The following CAPZB variants were observed in gnomAD, a reference collection of about 807,000 sequenced individuals.
CAPZB encodes the protein F-actin-capping protein subunit beta.
A neutral mutation model predicts 38.1 loss-of-function variants in CAPZB; 2 were observed. The observed-to-expected ratio is 0.05, with a 90% CI of 0.02 to 0.17. The LOEUF (loss-of-function observed/expected upper bound fraction) is 0.17. Ranked by LOEUF, CAPZB falls within the 10% of genes least tolerant of loss-of-function variation. The probability of loss-of-function intolerance (pLI) is 1.00; values close to 1 mark genes in which losing one functional copy is unlikely to be tolerated. For synonymous variants in CAPZB, 107 were observed against 127.4 expected, an observed-to-expected ratio of 0.84 and a Z score of 1.08; for missense variants, 161 against 334.2, an observed-to-expected ratio of 0.48 and a Z score of 4.04.
At chr1:19,432,839 T>A (rs1000361494) in intron 1 of CAPZB, among the ~76,000 whole-genome samples, 1 of 152,234 alleles carries the variant, frequency 6.6e-6, no homozygotes, top group African/African-American at 2.4e-5. Context: ...TAACGACTTG[T>A]AGGGAACAAC....
chr1:19,357,035 T>C lies in CAPZB; in HGVS notation c.472-284A>G, dbSNP rs540274049. Among the ~76,000 whole-genome samples, 33 of 152,134 alleles carry C rather than the reference T, an allele frequency of 2.2e-4. No homozygotes were observed. Among genetic ancestry groups the C allele is most frequent in the Non-Finnish European group, 4.0e-4 (27 of 68,006 alleles). ...CGCCACCACGCCTGGCTAATGTTTT[T>C]TGTGTTTTTGGTAGAGATGCGGTTT... is the stretch of plus-strand genomic sequence containing the variant. On this transcript the variant is annotated intron_variant, in intron 5 of 8. Transcript: ENST00000264202. The surrounding 1 kb of genome is among the most constrained non-coding windows in gnomAD (Gnocchi z 4.3).
chr1:19,420,084 G>T, intron 1 of CAPZB: 1 of 265,678 alleles, frequency 3.8e-6, no homozygotes, highest in Non-Finnish European at 7.2e-6. Flanking sequence ...CCCCCCAGTT[G>T]GTTCCATGGT....
At chr1:19,482,923 C>T (rs1215840826) in intron 1 of CAPZB, among the ~76,000 whole-genome samples, 1 of 152,190 alleles carries the variant, frequency 6.6e-6, no homozygotes, top group African/African-American at 2.4e-5. Flanking sequence ...AATTACAAGG[C>T]TAAGGGATAC....
chr1:19,350,388 A>G (rs2093985296), intron 6 of CAPZB, among the ~76,000 whole-genome samples: 1 of 152,246 alleles, frequency 6.6e-6, no homozygotes, highest in Non-Finnish European at 1.5e-5. Flanking sequence ...CCGATTGTCA[A>G]AGCACAGCTC....
chr1:19,446,739 A>C (rs2100671307), intron 1 of CAPZB, among the ~76,000 whole-genome samples: 1 of 152,362 alleles, frequency 6.6e-6, no homozygotes, highest in African/African-American at 2.4e-5. Flanking sequence ...TTAATTAGCG[A>C]AACTGAATAT....
chr1:19,370,308 A>G (rs2094113062), intron 4 of CAPZB, among the ~76,000 whole-genome samples: 1 of 152,204 alleles, frequency 6.6e-6, no homozygotes, highest in Non-Finnish European at 1.5e-5. Flanking sequence ...ATAATTCGCT[A>G]CAAGGACTCA....
At chr1:19,478,688 C>T (rs1039159269) in intron 1 of CAPZB, among the ~76,000 whole-genome samples, 11 of 150,632 alleles carry the variant, frequency 7.3e-5, no homozygotes, top group African/African-American at 2.7e-4. Flanking sequence ...TGCTTCCACC[C>T]GCTTCCTCCA....
At chr1:19,415,339 C>A (rs904153105) in intron 2 of CAPZB, among the ~76,000 whole-genome samples, 2 of 152,190 alleles carry the variant, frequency 1.3e-5, no homozygotes, top group Non-Finnish European at 2.9e-5. Context: ...CCAGATTACA[C>A]GAGACAAAGG....
At chr1:19,399,585 C>G (rs2094291996) in intron 2 of CAPZB, among the ~76,000 whole-genome samples, 1 of 152,130 alleles carries the variant, frequency 6.6e-6, no homozygotes, top group Non-Finnish European at 1.5e-5. Flanking sequence ...GGGCATGGGC[C>G]ACAGCTCCCT....
intron 1 of CAPZB, among the ~76,000 whole-genome samples, chr1:19,441,377 A>G (rs981261006): frequency 6.6e-6 from 1 of 152,208 alleles, no homozygotes; most frequent in East Asian, 1.9e-4. Flanking sequence ...ACTGCATTTT[A>G]TCTGGGACTC....
chr1:19,475,576 C>T (rs936208306), intron 1 of CAPZB, among the ~76,000 whole-genome samples: 5 of 152,204 alleles, frequency 3.3e-5, no homozygotes, highest in Admixed American at 6.5e-5. Context: ...AGACCCCGCT[C>T]GGCTCCTCTG....
chr1:19,411,928 T>A (rs1344143828), intron 2 of CAPZB, among the ~76,000 whole-genome samples: 1 of 152,112 alleles, frequency 6.6e-6, no homozygotes, highest in Non-Finnish European at 1.5e-5. Flanking sequence ...AGGGCCGCCA[T>A]CCTCCGGAGA....
chr1:19,456,637 G>T (rs2094533985), intron 1 of CAPZB, among the ~76,000 whole-genome samples: 1 of 152,132 alleles, frequency 6.6e-6, no homozygotes, highest in South Asian at 2.1e-4. Flanking sequence ...CACAGACCCA[G>T]CCTGTCTTTA....
At chr1:19,381,569 C>A (rs998018901) in intron 3 of CAPZB, among the ~76,000 whole-genome samples, 3 of 152,110 alleles carry the variant, frequency 2.0e-5, no homozygotes, top group African/African-American at 7.2e-5. Context: ...ACGGGCATGG[C>A]GCCCAGGTGC....
chr1:19,454,972 GGGTGAGTTACA>G (rs1168405998), intron 1 of CAPZB, among the ~76,000 whole-genome samples: 1 of 152,240 alleles, frequency 6.6e-6, no homozygotes, highest in East Asian at 1.9e-4. Context: ...GGGGCTGAGT[GGGTGAGTTACA>G]GCTGAATTCA....
intron 1 of CAPZB, among the ~76,000 whole-genome samples, chr1:19,462,429 G>C (rs1439532615): frequency 2.0e-5 from 3 of 151,376 alleles, no homozygotes; most frequent in Admixed American, 6.6e-5. Context: ...CTGCACTCTA[G>C]CCTGGGCGAC....
At chr1:19,384,267 C>T (rs887894491) in intron 3 of CAPZB, among the ~76,000 whole-genome samples, 1 of 152,176 alleles carries the variant, frequency 6.6e-6, no homozygotes, top group Non-Finnish European at 1.5e-5. Flanking sequence ...TCACTGCCTT[C>T]TCCACCTCTG....
At chr1:19,402,928 A>C (rs2094310908) in intron 2 of CAPZB, among the ~76,000 whole-genome samples, 1 of 152,166 alleles carries the variant, frequency 6.6e-6, no homozygotes, top group Non-Finnish European at 1.5e-5. Flanking sequence ...AGGCACCTGT[A>C]ATCCCAGCTA....
chr1:19,461,076 T>C lies in CAPZB; in HGVS notation c.3+24360A>G, dbSNP rs917077206. The stretch of plus-strand genomic sequence containing the variant: ...TCAAGTAGGCAGAGCAGCTGTCTCT[T>C]ATTCACCCCTGGGCGGGGGCGGGGG... On this transcript the variant is annotated intron_variant, in intron 1 of 8. Coordinates refer to ENST00000264202, the MANE Select transcript of CAPZB (RefSeq NM_004930.5). 3.7e-5 allele frequency among the ~76,000 whole-genome samples: 4 copies of C among 108,852 alleles called. No homozygotes were observed. The Admixed American group carries it at 3.7e-4, about 10-fold the overall frequency. 71.4% of individuals were successfully genotyped at this position (108,852 alleles called of 152,430 possible). A position where few individuals can be genotyped will look rare whatever the true frequency, so the allele number is the denominator to read the frequency against.
Sources: allele counts gnomAD v4.1 joint callset (sites outside exome capture counted in the v4.1 genomes callset), GRCh38; gene constraint gnomAD v4.1.1; non-coding constraint Gnocchi (gnomAD v3.1); transcripts MANE v1.5; gene names NCBI Gene and HGNC (gene_info 2026-07-23, HGNC 2026-07-21).